The following KLF13 variants were observed in gnomAD, a reference collection of about 807,000 sequenced individuals.
The protein encoded by KLF13 is Krueppel-like factor 13.
Under a neutral mutation model 16.7 loss-of-function variants are expected in KLF13, and 8 were observed. That is an observed-to-expected ratio of 0.48 (90% CI 0.28 to 0.87). The LOEUF is 0.87. Among genes scored for constraint, KLF13 ranks in the 40% least tolerant of loss-of-function variants. KLF13 has a pLI of 0.10. For synonymous variants in KLF13, 245 were observed against 208.4 expected (o/e 1.18, Z -1.51); for missense variants, 447 against 452.2 (o/e 0.99, Z 0.10).
At chr15:31,334,849 G>A (rs1236559528) in intron 1 of KLF13, among the ~76,000 whole-genome samples, 1 of 152,242 alleles carries the variant, frequency 6.6e-6, no homozygotes, top group African/African-American at 2.4e-5. Flanking sequence ...CTGTGTGGCT[G>A]AGGTTGGGGT....
downstream of KLF13, among the ~76,000 whole-genome samples, chr15:31,406,435 C>G (rs1206069954): frequency 1.3e-5 from 2 of 152,148 alleles, no homozygotes; most frequent in Non-Finnish European, 2.9e-5. Context: ...TTGTTTATAA[C>G]CAACCCTGGC....
chr15:31,424,117 G>A (rs376782969), intron 1 of KLF13, among the ~76,000 whole-genome samples: 1 of 152,040 alleles, frequency 6.6e-6, no homozygotes, highest in Non-Finnish European at 1.5e-5. Context: ...ACCTAGAAAA[G>A]CCCAGGACCA....
Position 31,327,436 on chromosome 15 carries a change from C to G in KLF13, c.224C>G (p.Ala75Gly). Residue 75 changes from alanine (A) to glycine (G), a missense_variant, in exon 1 of 2, where the codon GCG becomes GGG. Coordinates refer to ENST00000307145, the MANE Select transcript of KLF13 (RefSeq NM_015995.4). ...ATCCTAGCGGACCTCAACCAGCAAG[C>G]GCCGGCGCCCGCCCCGGCGGAGCGC... Reference protein sequence around the residue: ...ARILADLNQQAPAPAPAERRE... With the variant: ...ARILADLNQQGPAPAPAERRE... 6 of 1,244,626 alleles carry G rather than the reference C, an allele frequency of 4.8e-6. No homozygotes were observed. Among genetic ancestry groups the G allele is most frequent in the Non-Finnish European group, 6.0e-6 (6 of 993,220 alleles). 77.1% of individuals were successfully genotyped at this position (1,244,626 alleles called of 1,614,324 possible).
At chr15:31,358,012 G>A (rs551886738) in intron 1 of KLF13, among the ~76,000 whole-genome samples, 2 of 152,300 alleles carry the variant, frequency 1.3e-5, no homozygotes, top group East Asian at 3.9e-4. Context: ...TGCCTGACCT[G>A]CCAGCTTTAT....
downstream of KLF13, among the ~76,000 whole-genome samples, chr15:31,405,269 G>A (rs1028752433): frequency 1.3e-5 from 2 of 152,036 alleles, no homozygotes; most frequent in Non-Finnish European, 1.5e-5. Flanking sequence ...AGCCGAGATC[G>A]CACCACTGCA....
chr15:31,379,876 G>A (rs887939730), downstream of KLF13, among the ~76,000 whole-genome samples: 6 of 152,296 alleles, frequency 3.9e-5, no homozygotes, highest in African/African-American at 1.2e-4. Flanking sequence ...GTTTGTGGCA[G>A]TTAGGCGAAG....
Position 31,327,359 on chromosome 15 carries a change from C to G in KLF13, c.147C>G (p.Val49=). 1.6e-6 allele frequency: 2 copies of G among 1,277,524 alleles called. No individual in the cohort carries two copies. The highest frequency in any genetic ancestry group is 2.0e-6 in the Non-Finnish European group (2 of 1,012,970). The allele number at this position is 1,277,524 out of a possible 1,614,324, so 79.1% of individuals were successfully genotyped here. A position where few individuals can be genotyped will look rare whatever the true frequency, so the allele number is the denominator to read the frequency against. ...CCGCCACCCCCACGCTGCCCCGCGT[C>G]GAGGAGCGCCGCGACGGTAAGGACA... ...AVAATPTLPR[V]EERRDGKDSA... is the part of the protein sequence containing the mutation. The change falls in exon 1 of 2, where the codon GTC becomes GTG. Residue 49 remains valine (V), a synonymous_variant. Transcript: ENST00000307145.
chr15:31,341,525 G>A (rs2039021459), intron 1 of KLF13, among the ~76,000 whole-genome samples: 1 of 149,784 alleles, frequency 6.7e-6, no homozygotes, highest in Non-Finnish European at 1.5e-5. Context: ...TTGAGGCTGG[G>A]ACAATTCAGA....
At chr15:31,380,438 G>A (rs951880754), downstream of KLF13, among the ~76,000 whole-genome samples, 7 of 152,186 alleles carry the variant, frequency 4.6e-5, no homozygotes, top group Non-Finnish European at 8.8e-5. Context: ...TTCTGGAAGG[G>A]GGCCCAGTTA....
intron 1 of KLF13, among the ~76,000 whole-genome samples, chr15:31,423,126 TATATACGTATAC>T (rs2040354878): frequency 7.7e-6 from 1 of 129,756 alleles, no homozygotes; most frequent in African/African-American, 3.7e-5. Context: ...TATATACGTA[TATATACGTATAC>T]GTATACGTAT....
At chr15:31,435,215 G>C (rs1423246401) in intron 1 of KLF13, among the ~76,000 whole-genome samples, 2 of 152,140 alleles carry the variant, frequency 1.3e-5, no homozygotes. Context: ...CACAGTAAGG[G>C]ACACTGGGGA....
intron 1 of KLF13, chr15:31,366,637 G>A (rs2039476088): frequency 7.0e-6 from 1 of 143,430 alleles, no homozygotes; most frequent in South Asian, 2.2e-4. Context: ...AGCAAGGAGG[G>A]TGCTTGGATT....
Position 31,327,131 on chromosome 15 carries a change from G to A in KLF13, c.-82G>A. The stretch of plus-strand genomic sequence containing the variant: ...AGGGCGCGCCGCGCCCCCGCCCCCC[G>A]CCCGCTCTCCCGAGGCCGTGGGTGC... On this transcript the variant is annotated 5_prime_UTR_variant, in exon 1 of 2. Transcript: ENST00000307145. 5.5e-6 allele frequency: 2 copies of A among 364,526 alleles called. No individual in the cohort carries two copies. 22.6% of individuals were successfully genotyped at this position (364,526 alleles called of 1,614,324 possible). A position where few individuals can be genotyped will look rare whatever the true frequency, so the allele number is the denominator to read the frequency against.
chr15:31,350,809 C>T (rs141892602), intron 1 of KLF13, among the ~76,000 whole-genome samples: 2 of 152,372 alleles, frequency 1.3e-5, no homozygotes, highest in Non-Finnish European at 2.9e-5. Context: ...GCTAAGCAGG[C>T]TCTTGAGGTG....
chr15:31,363,123 G>T (rs1363645313), intron 1 of KLF13, among the ~76,000 whole-genome samples: 1 of 152,226 alleles, frequency 6.6e-6, no homozygotes, highest in Non-Finnish European at 1.5e-5. Flanking sequence ...CATGGAGGTT[G>T]TAGCAGTTTG....
rs566896615 is a variant in KLF13, at chr15:31,430,830, A to C, written n.118-4540A>C. Among the ~76,000 whole-genome samples, 3 of 152,312 alleles carry C rather than the reference A, an allele frequency of 2.0e-5. No homozygotes were observed. The South Asian group carries it at 6.2e-4, about 32-fold the overall frequency. ...ATATTCTGAAAGTCTGACAGTGCCA[A>C]GTATTGGTGAGACCTTGAAGTCATA... On this transcript the variant is annotated intron_variant and non_coding_transcript_variant, in intron 1 of 1. Coordinates refer to the KLF13 transcript ENST00000558225.
intron 1 of KLF13, among the ~76,000 whole-genome samples, chr15:31,423,127 A>G (rs1411355029): frequency 2.7e-5 from 3 of 112,752 alleles, no homozygotes; most frequent in African/African-American, 4.5e-5. Flanking sequence ...ATATACGTAT[A>G]TATACGTATA....
chr15:31,371,697 G>A (rs2039556626), intron 1 of KLF13, among the ~76,000 whole-genome samples: 2 of 152,204 alleles, frequency 1.3e-5, no homozygotes, highest in Non-Finnish European at 2.9e-5. Flanking sequence ...CCTGCTTTGT[G>A]GTGTACTTAG....
chr15:31,427,754 A>G (rs2040417190), intron 1 of KLF13, among the ~76,000 whole-genome samples: 1 of 152,208 alleles, frequency 6.6e-6, no homozygotes, highest in South Asian at 2.1e-4. Context: ...GGGGGCCTCA[A>G]GGAAACTTAC....
Sources: gnomAD v4.1 joint callset for allele counts (sites outside exome capture counted in the v4.1 genomes callset) on GRCh38, gnomAD v4.1.1 for gene constraint, MANE v1.5 for transcripts, NCBI Gene and HGNC (gene_info 2026-07-23, HGNC 2026-07-21) for gene names.